Variants in PDE8A observed in about 807,000 individuals in gnomAD.
PDE8A encodes the protein high affinity cAMP-specific and IBMX-insensitive 3',5'-cyclic phosphodiesterase 8A.
Under a neutral mutation model 105.0 loss-of-function variants are expected in PDE8A, and 59 were observed. The observed-to-expected ratio is 0.56, with a 90% confidence interval of 0.46 to 0.70. The LOEUF (loss-of-function observed/expected upper bound fraction) is 0.70. PDE8A is among the 30% of genes least tolerant of loss of function. PDE8A has a pLI of 0.00. For missense variants in PDE8A, 1,014 were observed against 1,045.9 expected (o/e 0.97, Z 0.42); for synonymous variants, 355 against 371.9 (o/e 0.95, Z 0.52).
At chr15:85,003,536 T>G (rs773203831) in intron 1 of PDE8A, among the ~76,000 whole-genome samples, 15 of 152,262 alleles carry the variant, frequency 9.9e-5, no homozygotes, top group Non-Finnish European at 1.6e-4. Context: ...ACAATAGCTG[T>G]CCCTGCACTG....
At position 85,041,256 on chromosome 15, in the gene PDE8A, T is replaced by C. The variant is rs16974740; in HGVS notation, c.187-23114T>C. On this transcript the variant is annotated intron_variant, in intron 1 of 21. Coordinates refer to ENST00000394553, the MANE Select transcript of PDE8A (RefSeq NM_002605.3). ...AACCCCAAACCTATTTCCTACAGCA[T>C]GACTGAAACTTAGTAAAGTAGTAGT... 4.6e-5 allele frequency among the ~76,000 whole-genome samples: 7 copies of C among 152,266 alleles called. No individual in the cohort carries two copies. The East Asian group carries it at 9.6e-4, about 21-fold the overall frequency.
intron 5 of PDE8A, among the ~76,000 whole-genome samples, chr15:85,083,249 C>T (rs535565255): frequency 1.3e-5 from 2 of 152,118 alleles, no homozygotes; most frequent in Non-Finnish European, 2.9e-5. Context: ...TCTAGCCTTG[C>T]TTTGTCAGTG....
At chr15:85,008,817 G>A (rs939980419) in intron 1 of PDE8A, among the ~76,000 whole-genome samples, 4 of 152,008 alleles carry the variant, frequency 2.6e-5, no homozygotes, top group Non-Finnish European at 2.9e-5. Context: ...GCTGAACCTC[G>A]CTAAGGCATA....
intron 1 of PDE8A, among the ~76,000 whole-genome samples, chr15:84,999,551 TTTGTTGTTG>T (rs3077007): frequency 2.0e-5 from 3 of 150,830 alleles, no homozygotes; most frequent in East Asian, 2.0e-4. Flanking sequence ...GCCTCCCTTT[TTTGTTGTTG>T]TTGTTGTTGT....
intron 4 of PDE8A, 108 bp from the exon 5 acceptor site, chr15:85,076,624 CT>C: frequency 1.4e-6 from 1 of 732,336 alleles, no homozygotes. Context: ...TCTGATTCAT[CT>C]AAAAGTACTC....
At chr15:84,984,066 T>C (rs1194809997) in intron 1 of PDE8A, among the ~76,000 whole-genome samples, 3 of 152,250 alleles carry the variant, frequency 2.0e-5, no homozygotes, top group Non-Finnish European at 2.9e-5. Flanking sequence ...ACTAAATAAA[T>C]GTTTACTGAT....
At chr15:85,100,285 T>C in intron 11 of PDE8A, 87 bp downstream of exon 11, 1 of 1,172,650 alleles carries the variant, frequency 8.5e-7, no homozygotes, top group South Asian at 1.3e-5. Flanking sequence ...TTGCCTGGTG[T>C]AATGGTGGGA....
At chr15:85,057,350 C>T (rs1277324837) in intron 1 of PDE8A, among the ~76,000 whole-genome samples, 7 of 152,316 alleles carry the variant, frequency 4.6e-5, no homozygotes, top group South Asian at 2.1e-4. Flanking sequence ...CAGACAGGGA[C>T]GTTTAAGTCT....
At chr15:85,074,461 G>A (rs1343466129) in intron 3 of PDE8A, among the ~76,000 whole-genome samples, 1 of 152,244 alleles carries the variant, frequency 6.6e-6, no homozygotes, top group Non-Finnish European at 1.5e-5. Context: ...CAGCACTTTG[G>A]GAGGCCAAGG....
intron 4 of PDE8A, among the ~76,000 whole-genome samples, chr15:85,076,520 A>G (rs1245155301): frequency 1.3e-5 from 2 of 152,118 alleles, no homozygotes; most frequent in African/African-American, 2.4e-5. Context: ...TAGTTTGTGT[A>G]TTTCAAGTAT....
intron 1 of PDE8A, among the ~76,000 whole-genome samples, chr15:85,008,723 TC>T (rs1206249726): frequency 6.6e-6 from 1 of 152,044 alleles, no homozygotes; most frequent in Non-Finnish European, 1.5e-5. Context: ...ACTTCCTCCC[TC>T]CTCTAGTCTG....
Position 85,113,274 on chromosome 15 carries a change from A to G in PDE8A, c.1115-103A>G, listed in dbSNP as rs969072134. The stretch of plus-strand genomic sequence containing the variant: ...AAGGAAGCTCAGCAAACTCAGTTCT[A>G]TCCTGCCCCTTCATCATGCAGCCGA... On this transcript the variant is annotated intron_variant, in intron 12 of 21. Transcript: ENST00000394553. The G allele has an allele frequency of 6.4e-6, 6 of 939,118 alleles. No homozygotes were observed. The African/African-American group carries it at 8.1e-5, about 13-fold the overall frequency. 58.2% of individuals were successfully genotyped at this position (939,118 alleles called of 1,614,324 possible).
chr15:85,064,032 C>T (rs543274149), intron 1 of PDE8A: 15 of 204,628 alleles, frequency 7.3e-5, no homozygotes, highest in East Asian at 1.2e-4. Context: ...TTGGGGGGCT[C>T]TCTATATTGT....
intron 1 of PDE8A, among the ~76,000 whole-genome samples, chr15:85,001,431 A>G (rs2080066217): frequency 6.6e-6 from 1 of 152,220 alleles, no homozygotes; most frequent in Admixed American, 6.5e-5. Flanking sequence ...TGTCAAAGTC[A>G]TGCATGCTCA....
chr15:85,044,692 C>A (rs980281533), intron 1 of PDE8A, among the ~76,000 whole-genome samples: 1 of 152,190 alleles, frequency 6.6e-6, no homozygotes, highest in African/African-American at 2.4e-5. Flanking sequence ...TGTGGCCGGC[C>A]CCAGGCCAAG....
At chr15:85,008,462 C>G (rs951194363) in intron 1 of PDE8A, among the ~76,000 whole-genome samples, 5 of 152,076 alleles carry the variant, frequency 3.3e-5, no homozygotes, top group Non-Finnish European at 5.9e-5. Context: ...ATCCCCCACC[C>G]CCAGTTCAGT....
chr15:85,136,782 A>G, intron 21 of PDE8A, 119 bp downstream of exon 21: 1 of 1,004,850 alleles, frequency 1.0e-6, no homozygotes, highest in Non-Finnish European at 1.4e-6. Context: ...CAAGAACAAG[A>G]GCGAAGTGAA....
At chr15:85,109,917 G>A (rs554740874) in intron 12 of PDE8A, among the ~76,000 whole-genome samples, 7 of 152,158 alleles carry the variant, frequency 4.6e-5, no homozygotes, top group Non-Finnish European at 5.9e-5. Context: ...GTGAGGAAGC[G>A]GTATGGGGTT....
intron 1 of PDE8A, among the ~76,000 whole-genome samples, chr15:85,060,217 A>G (rs1034676858): frequency 6.6e-6 from 1 of 152,036 alleles, no homozygotes; most frequent in Non-Finnish European, 1.5e-5. Context: ...TATGGTTAGC[A>G]TGGGGATTAT....
Sources: allele counts gnomAD v4.1 joint callset (sites outside exome capture counted in the v4.1 genomes callset), GRCh38; gene constraint gnomAD v4.1.1; transcripts MANE v1.5; gene names NCBI Gene and HGNC (gene_info 2026-07-23, HGNC 2026-07-21).